Variants in CACNA1B observed in about 807,000 individuals in gnomAD.
CACNA1B encodes voltage-dependent N-type calcium channel subunit alpha-1B.
Under a neutral mutation model 247.2 loss-of-function variants are expected in CACNA1B, and 70 were observed. That is an observed-to-expected ratio of 0.28 (90% CI 0.23 to 0.35). The LOEUF is 0.35. CACNA1B is among the 10% of genes least tolerant of loss of function. The pLI is 1.00. For synonymous variants in CACNA1B, 1,231 were observed against 1,294.4 expected (o/e 0.95, Z 1.05); for missense variants, 2,367 against 3,197.4 (o/e 0.74, Z 6.26).
At chr9:137,923,345 AG>A (rs754159428) in intron 6 of CACNA1B, among the ~76,000 whole-genome samples, 107 of 151,276 alleles carry the variant, frequency 7.1e-4, no homozygotes, top group Admixed American at 2.0e-3. Context: ...CCGTGGTGCC[AG>A]GTAGTATTCC....
At position 137,960,656 on chromosome 9, in the gene CACNA1B, G is replaced by C. The variant is rs932900065; in HGVS notation, c.1333+2969G>C. On this transcript the variant is annotated intron_variant, in intron 10 of 46. Coordinates refer to ENST00000371372, the MANE Select transcript of CACNA1B (RefSeq NM_000718.4). ...TGCTTGGCACCCAGGTGTGGAGAAC[G>C]TCTTGGAGGCCAGCGCGGCTGGAGT... 9.2e-5 allele frequency among the ~76,000 whole-genome samples: 14 copies of C among 151,962 alleles called. 1 individual carries two copies. The highest frequency in any genetic ancestry group is 2.1e-4 in the Non-Finnish European group (14 of 67,962).
At chr9:137,896,310 C>T (rs183163397) in intron 3 of CACNA1B, among the ~76,000 whole-genome samples, 105 of 151,774 alleles carry the variant, frequency 6.9e-4, no homozygotes, top group African/African-American at 2.5e-3. Context: ...AGGCAGTTTC[C>T]CTCTGTTCCA....
At chr9:137,918,033 G>A (rs770560120) in intron 6 of CACNA1B, among the ~76,000 whole-genome samples, 1 of 152,200 alleles carries the variant, frequency 6.6e-6, no homozygotes. Flanking sequence ...GACCTTCCTC[G>A]GTCACGCAGG....
At chr9:137,946,431 A>G (rs1957796808) in intron 6 of CACNA1B, among the ~76,000 whole-genome samples, 1 of 152,152 alleles carries the variant, frequency 6.6e-6, no homozygotes, top group South Asian at 2.1e-4. Context: ...ATTGTGTCAC[A>G]CGTAGGGATC....
intron 18 of CACNA1B, chr9:138,017,056 C>T (rs1958802041): frequency 6.1e-6 from 3 of 494,022 alleles, no homozygotes; most frequent in Admixed American, 2.1e-5. Flanking sequence ...CCTACACTGG[C>T]GTGGCTCTCA....
intron 32 of CACNA1B, among the ~76,000 whole-genome samples, chr9:138,071,516 C>G (rs1424410571): frequency 6.6e-6 from 1 of 152,178 alleles, no homozygotes; most frequent in Non-Finnish European, 1.5e-5. Context: ...TCTGTGGCTG[C>G]CGTCACCGTC....
At chr9:137,889,511 A>T (rs1957066601) in intron 3 of CACNA1B, among the ~76,000 whole-genome samples, 1 of 145,666 alleles carries the variant, frequency 6.9e-6, no homozygotes, top group Non-Finnish European at 1.5e-5. Context: ...GCATTGCCTG[A>T]CTGGGGGCTC....
rs1319300584 is a variant in CACNA1B, at chr9:138,023,647, G to A, written c.2904G>A (p.Glu968=). 7.0e-6 allele frequency: 10 copies of A among 1,429,222 alleles called. No homozygotes were observed. Among genetic ancestry groups the A allele is most frequent in the Non-Finnish European group, 8.3e-6 (9 of 1,084,726 alleles). 88.5% of individuals were successfully genotyped at this position (1,429,222 alleles called of 1,614,324 possible). A position where few individuals can be genotyped will look rare whatever the true frequency, so the allele number is the denominator to read the frequency against. ...GCGGCCCCCGAGCGGGGCCCCGGGA[G>A]GCGGAGAGCGGGGAGGAGCCGGCGC... The part of the protein sequence containing the change: ...HRGGPRAGPR[E]AESGEEPARR... The change falls in exon 19 of 47, where the codon GAG becomes GAA. Residue 968 remains glutamate (E), a synonymous_variant. Coordinates refer to ENST00000371372, the MANE Select transcript of CACNA1B (RefSeq NM_000718.4).
intron 3 of CACNA1B, among the ~76,000 whole-genome samples, chr9:137,889,157 C>G (rs1346256335): frequency 6.7e-6 from 1 of 150,316 alleles, no homozygotes; most frequent in Non-Finnish European, 1.5e-5. Flanking sequence ...ACAAGAGACA[C>G]TGTGCCCGAG....
rs1957884983 is a variant in CACNA1B at position 137,952,201 on chromosome 9, G to T, written c.967-73G>T. 5.8e-6 allele frequency: 7 copies of T among 1,207,206 alleles called. No individual in the cohort carries two copies. The highest frequency in any genetic ancestry group is 3.5e-5 in the Admixed American group (2 of 56,932). 74.8% of individuals were successfully genotyped at this position (1,207,206 alleles called of 1,614,324 possible). A position where few individuals can be genotyped will look rare whatever the true frequency, so the allele number is the denominator to read the frequency against. ...GCTTCTGAGAAGGAGGCCTGTTGGG[G>T]GCTGGGGGTGCTCCTGTGGCCGGGA... is the stretch of plus-strand genomic sequence containing the variant. On this transcript the variant is annotated intron_variant, in intron 6 of 46. Transcript: ENST00000371372. The surrounding 1 kb of genome is among the most constrained non-coding windows in gnomAD (Gnocchi z 4.8).
intron 24 of CACNA1B, 21 bp downstream of exon 24, chr9:138,049,336 T>C (rs1241440050): frequency 6.9e-7 from 1 of 1,442,944 alleles, no homozygotes; most frequent in South Asian, 1.1e-5. Flanking sequence ...TTCGCTCTGC[T>C]CTGGCTAGGG....
chr9:138,017,470 C>T (rs1404181255), intron 18 of CACNA1B, among the ~76,000 whole-genome samples: 2 of 152,218 alleles, frequency 1.3e-5, no homozygotes, highest in African/African-American at 2.4e-5. Context: ...TGTGTCCGCT[C>T]ACTCCGGTGT....
At chr9:138,001,996 C>T (rs1024872077) in intron 15 of CACNA1B, among the ~76,000 whole-genome samples, 8 of 152,264 alleles carry the variant, frequency 5.3e-5, no homozygotes, top group Admixed American at 2.0e-4. Context: ...TATGAATCAA[C>T]GCAATCCTGA....
chr9:137,949,240 C>CGCTTGTGTGTCCT (rs1589027005), intron 6 of CACNA1B, among the ~76,000 whole-genome samples: 2 of 17,630 alleles, frequency 1.1e-4, no homozygotes, highest in African/African-American at 4.5e-4. Flanking sequence ...GTGGTGTATG[C>CGCTTGTGTGTCCT]ATGTGTGTGG....
intron 36 of CACNA1B, among the ~76,000 whole-genome samples, chr9:138,084,426 A>C (rs1960627374): frequency 6.6e-6 from 1 of 151,196 alleles, no homozygotes; most frequent in Non-Finnish European, 1.5e-5. Flanking sequence ...CTACACTGCC[A>C]CTTCTGCTGC....
intron 3 of CACNA1B, among the ~76,000 whole-genome samples, chr9:137,902,914 C>T (rs1046264378): frequency 2.6e-5 from 4 of 152,184 alleles, no homozygotes; most frequent in Admixed American, 6.5e-5. Flanking sequence ...TCTGAGGAGA[C>T]GATTCTGCCT....
At chr9:138,047,580 T>C (rs1000323861) in intron 23 of CACNA1B, 122 bp downstream of exon 23, 2 of 695,774 alleles carry the variant, frequency 2.9e-6, no homozygotes, top group Non-Finnish European at 5.2e-6. Flanking sequence ...ATGGTAGGTG[T>C]GTGCGTACTG....
rs573914138 is a variant in CACNA1B, at chr9:138,072,789, A to AT, written c.4675-695dup. ...GTTTATCCATTTATCATTGTGCTTGATTTTGAGCCCCTTGGATGAGGGAGC... is the reference window on the plus strand; with the variant it reads ...GTTTATCCATTTATCATTGTGCTTGATTTTTGAGCCCCTTGGATGAGGGAGC... On this transcript the variant is annotated intron_variant, in intron 32 of 46. Transcript: ENST00000371372. The surrounding 1 kb of genome is among the most constrained non-coding windows in gnomAD (Gnocchi z 4.5). Among the ~76,000 whole-genome samples, 217 of 152,320 alleles carry AT rather than the reference A, an allele frequency of 1.4e-3. 1 individual carries two copies. The Middle Eastern group carries it at 0.027, about 19-fold the overall frequency.
intron 6 of CACNA1B, among the ~76,000 whole-genome samples, chr9:137,923,833 A>G (rs1957519108): frequency 6.6e-6 from 1 of 152,156 alleles, no homozygotes; most frequent in Non-Finnish European, 1.5e-5. Context: ...TATTTTAGCC[A>G]TTCTGATAGG....
Sources: allele counts gnomAD v4.1 joint callset (sites outside exome capture counted in the v4.1 genomes callset), GRCh38; gene constraint gnomAD v4.1.1; non-coding constraint Gnocchi (gnomAD v3.1); transcripts MANE v1.5; gene names NCBI Gene and HGNC (gene_info 2026-07-23, HGNC 2026-07-21).